The following RABL6 variants were observed in gnomAD, a reference collection of about 807,000 sequenced individuals.
RABL6 encodes rab-like protein 6.
Under a neutral mutation model 72.9 loss-of-function variants are expected in RABL6, and 28 were observed. The ratio of observed to expected loss-of-function variants is 0.38; its 90% confidence interval spans 0.28 to 0.53. The LOEUF (loss-of-function observed/expected upper bound fraction) is 0.53. Ranked by LOEUF, RABL6 falls within the 20% of genes least tolerant of loss-of-function variation. RABL6 has a pLI of 0.80. For missense variants in RABL6, 1,029 were observed against 1,008.4 expected (o/e 1.02, Z -0.28); for synonymous variants, 477 against 421.2 (o/e 1.13, Z -1.62).
rs768475224 is a variant in RABL6 at position 136,840,395 on chromosome 9, G to C, written c.2063G>C (p.Arg688Pro). 5.2e-6 allele frequency: 8 copies of C among 1,551,580 alleles called. No individual in the cohort carries two copies. In the Admixed American group the frequency reaches 1.6e-4, roughly 30 times the overall value. ...GACAAGGAGGAGGGCAAGGAGGAGCGGCGACGGCGGCAGCAGCGGCCCCCG... is the reference window on the plus strand; with the variant it reads ...GACAAGGAGGAGGGCAAGGAGGAGCCGCGACGGCGGCAGCAGCGGCCCCCG... ...SKDKEEGKEE[R>P]RRRQQRPPRS... The change falls in exon 15 of 15, where the codon CGG (arginine) becomes CCG (proline). Residue 688 changes from arginine (R) to proline (P), a missense_variant. Transcript: ENST00000311502.
rs112924003 is a variant in RABL6, at chr9:136,810,964, G to C, written c.130+2638G>C. On this transcript the variant is annotated intron_variant, in intron 1 of 14. Coordinates refer to ENST00000311502, the MANE Select transcript of RABL6 (RefSeq NM_024718.5). ...CTGCTGCGGGTTTCCAGGAGTCTGG[G>C]CTCTCCTCCTGGGCCCTGCATTTGC... 1.0e-2 allele frequency among the ~76,000 whole-genome samples: 1,521 copies of C among 152,336 alleles called. 31 individuals carry two copies. The highest frequency in any genetic ancestry group is 0.035 in the African/African-American group (1,440 of 41,562).
rs531929923 is a variant in RABL6 at position 136,836,389 on chromosome 9, G to A, written c.809+544G>A. On this transcript the variant is annotated intron_variant, in intron 8 of 14. Transcript: ENST00000311502. ...CAGGCTCCTGTACAGCTAGGGGCTT[G>A]GTGCCTCCCCTGGGACCCAGGCAGG... 1.1e-3 allele frequency: 165 copies of A among 152,800 alleles called. 1 individual carries two copies. The South Asian group carries it at 0.014, about 13-fold the overall frequency. 9.5% of individuals were successfully genotyped at this position (152,800 alleles called of 1,614,324 possible). A position where few individuals can be genotyped will look rare whatever the true frequency, so the allele number is the denominator to read the frequency against.
intron 1 of RABL6, chr9:136,821,477 C>T (rs1206582763): frequency 3.0e-6 from 3 of 985,286 alleles, no homozygotes; most frequent in African/African-American, 1.7e-5. Context: ...ACGTGGATGG[C>T]GCCGCCGTTC....
chr9:136,832,458 AC>A, intron 7 of RABL6, 88 bp downstream of exon 7: 1 of 1,078,516 alleles, frequency 9.3e-7, no homozygotes, highest in Non-Finnish European at 1.4e-6. Context: ...CTCCCTCCTA[AC>A]CCCTGAGAAA....
At chr9:136,809,768 G>C (rs1330960169) in intron 1 of RABL6, 1 of 156,152 alleles carries the variant, frequency 6.4e-6, no homozygotes, top group Non-Finnish European at 1.5e-5. Context: ...CAGCCAACAC[G>C]TTTAGGAACA....
chr9:136,837,582 C>T lies in RABL6; in HGVS notation c.1046C>T (p.Ser349Leu), dbSNP rs747000484. The change falls in exon 9 of 15, where the codon TCA (serine) becomes TTA (leucine). Residue 349 changes from serine (S) to leucine (L), a missense_variant. Around this residue, in one of 2 missense-constraint regions of RABL6, gnomAD observed 434 missense variants for 536.1 expected, o/e 0.81. Transcript: ENST00000311502. ...GCCCTGCCCCCACCTGCGTGCCCCTCAGCCCCCGCCCCACGGCGCAGCATC... is the reference window on the plus strand; with the variant it reads ...GCCCTGCCCCCACCTGCGTGCCCCTTAGCCCCCGCCCCACGGCGCAGCATC... ...SEALPPPACP[S>L]APAPRRSIIS... The T allele has an allele frequency of 3.6e-5, 57 of 1,585,976 alleles. No individual in the cohort carries two copies. In the Middle Eastern group the frequency reaches 1.6e-3, roughly 45 times the overall value.
At position 136,832,290 on chromosome 9, in the gene RABL6, T is replaced by C; in HGVS notation, c.625T>C (p.Tyr209His). ...ACCTCCAGGTTCCTCCTACTTCCGC[T>C]ATGCTGAGTCTTCCATGAAGAACAG... ...DRPPGSSYFR[Y>H]AESSMKNSFG... The change falls in exon 7 of 15, where the codon TAT becomes CAT. Residue 209 changes from tyrosine to histidine, a missense_variant. Transcript: ENST00000311502. 3 of 1,613,896 alleles carry C rather than the reference T, an allele frequency of 1.9e-6. No homozygotes were observed. The highest frequency in any genetic ancestry group is 1.1e-5 in the South Asian group (1 of 91,090).
At chr9:136,811,393 G>A (rs1848008809) in intron 1 of RABL6, among the ~76,000 whole-genome samples, 1 of 152,020 alleles carries the variant, frequency 6.6e-6, no homozygotes, top group Admixed American at 6.5e-5. Flanking sequence ...CGAGGCAGGC[G>A]GACAACCTGA....
chr9:136,822,883 T>G (rs1163810152), intron 1 of RABL6, among the ~76,000 whole-genome samples: 1 of 152,022 alleles, frequency 6.6e-6, no homozygotes, highest in Non-Finnish European at 1.5e-5. Flanking sequence ...GGTCAGGAGA[T>G]CGAGACCACC....
chr9:136,840,542 G>A lies in RABL6; in HGVS notation c.*20G>A, dbSNP rs150248429. On this transcript the variant is annotated 3_prime_UTR_variant, in exon 15 of 15. Coordinates refer to ENST00000311502, the MANE Select transcript of RABL6 (RefSeq NM_024718.5). ...CTCTAGGCCGGCGTGGGCAGTGGCC[G>A]CCCTGGGGCGGGGGGCGTGCCTGTC... 1,924 of 1,543,970 alleles carry A rather than the reference G, an allele frequency of 1.2e-3. 33 individuals carry two copies. The East Asian group carries it at 0.039, about 32-fold the overall frequency.
chr9:136,839,762 C>A lies in RABL6; in HGVS notation c.1827C>A (p.Pro609=). Residue 609 remains proline, a synonymous_variant, in exon 13 of 15, where the codon CCC becomes CCA. Coordinates refer to ENST00000311502, the MANE Select transcript of RABL6 (RefSeq NM_024718.5). Reference sequence around the variant, plus strand: ...AGGATGAGGGCCCTGCCGAGCCGCCCCCACCCCCCAAGCTCCCTCTCCCCG... The same window carrying A: ...AGGATGAGGGCCCTGCCGAGCCGCCACCACCCCCCAAGCTCCCTCTCCCCG... ...TDEDEGPAEP[P]PPPKLPLPAF... The A allele has an allele frequency of 6.2e-7, 1 of 1,612,334 alleles. No individual in the cohort carries two copies. Among genetic ancestry groups the A allele is most frequent in the Non-Finnish European group, 8.5e-7 (1 of 1,179,484 alleles).
At chr9:136,818,232 G>A (rs1413925187) in intron 1 of RABL6, among the ~76,000 whole-genome samples, 4 of 149,340 alleles carry the variant, frequency 2.7e-5, no homozygotes, top group East Asian at 2.0e-4. Flanking sequence ...GCGTGGTGGC[G>A]GGCGCCTGTA....
rs550855617 is a variant in RABL6, at chr9:136,809,592, T to C, written c.130+1266T>C. On this transcript the variant is annotated intron_variant, in intron 1 of 14. Transcript: ENST00000311502. ...GAATTCGAGACCAGCCTGGCCAACATAGTGAAACACCGTCTCTACTAAAAA... is the reference window on the plus strand; with the variant it reads ...GAATTCGAGACCAGCCTGGCCAACACAGTGAAACACCGTCTCTACTAAAAA... 8 of 162,826 alleles carry C rather than the reference T, an allele frequency of 4.9e-5. No homozygotes were observed. The South Asian group carries it at 7.0e-4, about 14-fold the overall frequency. The allele number at this position is 162,826 out of a possible 1,614,324, so 10.1% of individuals were successfully genotyped here.
At chr9:136,822,889 C>T (rs1306102460) in intron 1 of RABL6, among the ~76,000 whole-genome samples, 4 of 152,128 alleles carry the variant, frequency 2.6e-5, no homozygotes, top group Non-Finnish European at 5.9e-5. Context: ...GAGATCGAGA[C>T]CACCCTGGCT....
At chr9:136,809,375 G>A (rs182317474) in intron 1 of RABL6, 43 of 227,124 alleles carry the variant, frequency 1.9e-4, no homozygotes, top group African/African-American at 9.4e-4. Flanking sequence ...CCCGGCCTGT[G>A]AGCAAGAGGA....
chr9:136,828,421 G>C, intron 3 of RABL6, 73 bp from the exon 4 acceptor site: 2 of 1,512,074 alleles, frequency 1.3e-6, no homozygotes, highest in Non-Finnish European at 1.8e-6. Context: ...AGTGGCCATG[G>C]GGGGACCATG....
rs1267257140 is a variant in RABL6, at chr9:136,840,907, C to T, written c.*385C>T. The T allele has an allele frequency of 6.7e-7, 1 of 1,495,196 alleles. No individual in the cohort carries two copies. Among genetic ancestry groups the T allele is most frequent in the East Asian group, 2.5e-5 (1 of 40,224 alleles). 92.6% of individuals were successfully genotyped at this position (1,495,196 alleles called of 1,614,324 possible). Reference sequence around the variant, plus strand: ...TGTGCGCTGCCCCGGCACCTGCTTGCCCTCCGCGCTCATCTGGGGCCGCAG... The same window carrying T: ...TGTGCGCTGCCCCGGCACCTGCTTGTCCTCCGCGCTCATCTGGGGCCGCAG... On this transcript the variant is annotated 3_prime_UTR_variant, in exon 15 of 15. Coordinates refer to ENST00000311502, the MANE Select transcript of RABL6 (RefSeq NM_024718.5).
chr9:136,822,199 G>A, intron 1 of RABL6: 1 of 875,670 alleles, frequency 1.1e-6, no homozygotes, highest in Non-Finnish European at 1.5e-6. Flanking sequence ...AAACCTGGGG[G>A]GGGCGTTGCG....
intron 6 of RABL6, 119 bp from the exon 7 acceptor site, chr9:136,832,146 C>A: frequency 9.7e-7 from 1 of 1,026,492 alleles, no homozygotes; most frequent in South Asian, 1.5e-5. Context: ...GGTCCTGTGG[C>A]CTCAGGAGCC....
Sources: allele counts gnomAD v4.1 joint callset (sites outside exome capture counted in the v4.1 genomes callset), GRCh38; gene constraint gnomAD v4.1.1; regional missense constraint gnomAD v4.1.1; transcripts MANE v1.5; gene names NCBI Gene and HGNC (gene_info 2026-07-23, HGNC 2026-07-21).